The following JAKMIP1 variants were observed in gnomAD, a reference collection of about 807,000 sequenced individuals.
JAKMIP1 encodes janus kinase and microtubule interacting protein 1.
JAKMIP1 carries 33 observed loss-of-function variants against 113.0 expected under a neutral mutation model. The observed-to-expected ratio is 0.29, with a 90% CI of 0.22 to 0.39. JAKMIP1 has a LOEUF of 0.39. Ranked by LOEUF, JAKMIP1 falls within the 10% of genes least tolerant of loss-of-function variation. The pLI, the probability that JAKMIP1 is intolerant of heterozygous loss-of-function variation, is 1.00. For synonymous variants in JAKMIP1, 480 were observed against 459.9 expected, an observed-to-expected ratio of 1.04 and a Z score of -0.56; for missense variants, 813 against 1,080.5, an observed-to-expected ratio of 0.75 and a Z score of 3.47.
intron 8 of JAKMIP1, among the ~76,000 whole-genome samples, chr4:6,070,791 C>T (rs761654515): frequency 3.9e-5 from 6 of 152,114 alleles, no homozygotes; most frequent in African/African-American, 7.2e-5. Context: ...AATTTGTCAG[C>T]GTTTTACCAT....
At chr4:6,057,229 G>A (rs909179541) in intron 11 of JAKMIP1, among the ~76,000 whole-genome samples, 3 of 152,172 alleles carry the variant, frequency 2.0e-5, no homozygotes, top group Non-Finnish European at 2.9e-5. Flanking sequence ...CCGTCTTGTC[G>A]CTGTGGCACC....
rs1190060933 is a variant in JAKMIP1 at position 6,187,774 on chromosome 4, T to C, written c.-148+12479A>G. ...TGAAAGGACCAAGATAGCATATACT[T>C]GGATCATATATTTTATCCCTGACAA... On this transcript the variant is annotated intron_variant, in intron 1 of 20. Transcript: ENST00000409021. The surrounding 1 kb of genome is among the most constrained non-coding windows in gnomAD (Gnocchi z 4.2). 1.3e-5 allele frequency among the ~76,000 whole-genome samples: 2 copies of C among 152,274 alleles called. No individual in the cohort carries two copies. The highest frequency in any genetic ancestry group is 2.9e-5 in the Non-Finnish European group (2 of 68,046).
chr4:6,118,582 C>A (rs1038466040), intron 1 of JAKMIP1, among the ~76,000 whole-genome samples: 4 of 152,176 alleles, frequency 2.6e-5, no homozygotes, highest in African/African-American at 9.7e-5. Flanking sequence ...ACGATGCCCA[C>A]CACCAATATC....
chr4:6,085,113 C>T (rs1455739683), intron 4 of JAKMIP1, 148 bp from the exon 5 acceptor site: 2 of 1,018,554 alleles, frequency 2.0e-6, no homozygotes, highest in African/African-American at 1.6e-5. Flanking sequence ...GTGGGGAACA[C>T]CCAAGCCCAC....
chr4:6,054,916 T>C (rs1716155604), intron 12 of JAKMIP1: 1 of 453,310 alleles, frequency 2.2e-6, no homozygotes, highest in African/African-American at 2.0e-5. Context: ...CCTTTAGAAA[T>C]GGGATGAGGG....
chr4:6,029,860 C>A, intron 19 of JAKMIP1, 79 bp from the exon 20 acceptor site: 1 of 1,005,962 alleles, frequency 9.9e-7, no homozygotes, highest in Non-Finnish European at 1.5e-6. Context: ...TTATTGTGGT[C>A]TAGCACAGAA....
In JAKMIP1 at chr4:6,081,714, C is replaced by CA; in HGVS notation, c.995dup (p.Val333GlyfsTer12). On this transcript the variant is annotated frameshift_variant, in exon 6 of 21. Coordinates refer to ENST00000409021, the MANE Select transcript of JAKMIP1 (RefSeq NM_001099433.2). LOFTEE classifies it high-confidence loss of function. The surrounding 1 kb of genome is among the most constrained non-coding windows in gnomAD (Gnocchi z 4.6). ...TGTTCATCCGCTTGTTCTTCTCCAC[C>CA]AGGGGCTTCAGCTGAACCTCGGTCT... The CA allele has an allele frequency of 6.2e-7, 1 of 1,614,146 alleles. No homozygotes were observed. Among genetic ancestry groups the CA allele is most frequent in the South Asian group, 1.1e-5 (1 of 91,086 alleles).
rs1722536887 is a variant in JAKMIP1 at position 6,094,494 on chromosome 4, CG to C, written c.625-8866del. ...GGGAGTAAACAAACCTACCAACCTC[CG>C]GGGCCCCTGGGGTCTCAGGAACTGC... On this transcript the variant is annotated intron_variant, in intron 3 of 20. Coordinates refer to ENST00000409021, the MANE Select transcript of JAKMIP1 (RefSeq NM_001099433.2). The surrounding 1 kb of genome is among the most constrained non-coding windows in gnomAD (Gnocchi z 4.2). Among the ~76,000 whole-genome samples the C allele has an allele frequency of 6.6e-6, 1 of 152,126 alleles. No homozygotes were observed. Among genetic ancestry groups the C allele is most frequent in the South Asian group, 2.1e-4 (1 of 4,818 alleles).
chr4:6,101,280 T>C (rs1712981434), intron 3 of JAKMIP1, among the ~76,000 whole-genome samples: 1 of 152,148 alleles, frequency 6.6e-6, no homozygotes, highest in African/African-American at 2.4e-5. Context: ...TGTGTGTGTG[T>C]GTGTATTTCC....
intron 1 of JAKMIP1, among the ~76,000 whole-genome samples, chr4:6,134,781 C>A (rs1352844401): frequency 6.6e-6 from 1 of 152,244 alleles, no homozygotes; most frequent in Non-Finnish European, 1.5e-5. Flanking sequence ...CTCTTTCACA[C>A]ATGCAAATAC....
rs190742362 is a variant in JAKMIP1 at position 6,196,939 on chromosome 4, G to A, written c.-148+3314C>T. 2.3e-3 allele frequency among the ~76,000 whole-genome samples: 348 copies of A among 151,924 alleles called. 5 individuals carry two copies. Among genetic ancestry groups the A allele is most frequent in the East Asian group, 1.7e-3 (9 of 5,170 alleles). On this transcript the variant is annotated intron_variant, in intron 1 of 20. Coordinates refer to ENST00000409021, the MANE Select transcript of JAKMIP1 (RefSeq NM_001099433.2). ...CATCCCTGTTGGAAGGTCATTTTCC[G>A]TTACAAGGGTCAGTGTGCTCCGTGG...
In JAKMIP1 at chr4:6,093,186, C is replaced by G. The variant is rs1452999582; in HGVS notation, c.625-7557G>C. Among the ~76,000 whole-genome samples, 1 of 152,188 alleles carries G rather than the reference C, an allele frequency of 6.6e-6. No homozygotes were observed. The highest frequency in any genetic ancestry group is 1.5e-5 in the Non-Finnish European group (1 of 68,034). ...TTCCTCTGTGAAATGACTCCTGCAT[C>G]TACCCACAGAAGTGATCACATCCTC... is the stretch of plus-strand genomic sequence containing the variant. On this transcript the variant is annotated intron_variant, in intron 3 of 20. Coordinates refer to ENST00000409021, the MANE Select transcript of JAKMIP1 (RefSeq NM_001099433.2). This position sits in a 1 kb window ranked among gnomAD's most constrained non-coding sequence, Gnocchi z 4.6.
chr4:6,058,192 C>T (rs1039997524), intron 11 of JAKMIP1, among the ~76,000 whole-genome samples: 14 of 151,982 alleles, frequency 9.2e-5, no homozygotes, highest in African/African-American at 2.4e-4. Context: ...GAGGACCTAC[C>T]CCCCTGGGGG....
chr4:6,047,621 G>T (rs1035388056), intron 16 of JAKMIP1, among the ~76,000 whole-genome samples: 1 of 152,200 alleles, frequency 6.6e-6, no homozygotes, highest in Non-Finnish European at 1.5e-5. Flanking sequence ...GCAAGGTTTG[G>T]CCATAAGTCT....
rs1325867150 is a variant in JAKMIP1 at position 6,064,518 on chromosome 4, G to T, written c.1431+362C>A. Among the ~76,000 whole-genome samples the T allele has an allele frequency of 6.6e-6, 1 of 152,320 alleles. No individual in the cohort carries two copies. The highest frequency in any genetic ancestry group is 6.5e-5 in the Admixed American group (1 of 15,310). On this transcript the variant is annotated intron_variant, in intron 9 of 20. Coordinates refer to ENST00000409021, the MANE Select transcript of JAKMIP1 (RefSeq NM_001099433.2). This position sits in a 1 kb window ranked among gnomAD's most constrained non-coding sequence, Gnocchi z 4.3. ...GGTGTGTCCGTGTGTGCACACATGC[G>T]TGGGGACCAGGGAGAGACCATTACG... is the stretch of plus-strand genomic sequence containing the variant.
intron 5 of JAKMIP1, among the ~76,000 whole-genome samples, chr4:6,082,539 C>T (rs1311332018): frequency 4.0e-5 from 6 of 151,748 alleles, no homozygotes; most frequent in East Asian, 3.9e-4. Context: ...GGTCTCACTT[C>T]GTCACCCAGG....
intron 1 of JAKMIP1, among the ~76,000 whole-genome samples, chr4:6,115,646 C>G (rs1715629390): frequency 6.6e-6 from 1 of 152,180 alleles, no homozygotes; most frequent in African/African-American, 2.4e-5. Context: ...TTAGACTCTT[C>G]TAGGTAAGTA....
chr4:6,138,861 A>C lies in JAKMIP1; in HGVS notation c.-147-25864T>G, dbSNP rs1719651949. Reference sequence around the variant, plus strand: ...ATAGTACCTGCCCCGGCAAAAGCGAATGCGCACAGAGCACTTTCAACAGAG... The same window carrying C: ...ATAGTACCTGCCCCGGCAAAAGCGACTGCGCACAGAGCACTTTCAACAGAG... On this transcript the variant is annotated intron_variant, in intron 1 of 20. Transcript: ENST00000409021. The surrounding 1 kb of genome is among the most constrained non-coding windows in gnomAD (Gnocchi z 6.0). Among the ~76,000 whole-genome samples, 1 of 152,164 alleles carries C rather than the reference A, an allele frequency of 6.6e-6. No homozygotes were observed. Among genetic ancestry groups the C allele is most frequent in the Non-Finnish European group, 1.5e-5 (1 of 68,042 alleles).
At chr4:6,036,178 G>A in intron 18 of JAKMIP1, 71 bp from the exon 19 acceptor site, 1 of 1,219,176 alleles carries the variant, frequency 8.2e-7, no homozygotes, top group Non-Finnish European at 1.1e-6. Flanking sequence ...GAAGGCTGCT[G>A]CCAGTGGAGG....
Sources: gnomAD v4.1 joint callset for allele counts (sites outside exome capture counted in the v4.1 genomes callset) on GRCh38, gnomAD v4.1.1 for gene constraint, Gnocchi (gnomAD v3.1) non-coding constraint, MANE v1.5 for transcripts, NCBI Gene and HGNC (gene_info 2026-07-23, HGNC 2026-07-21) for gene names.